The following SEMA5B variants were observed in gnomAD, a reference collection of about 807,000 sequenced individuals.
SEMA5B encodes the protein semaphorin-5B.
SEMA5B carries 66 observed loss-of-function variants against 135.0 expected under a neutral mutation model. That is an observed-to-expected ratio of 0.49 (90% CI 0.40 to 0.60). The LOEUF (loss-of-function observed/expected upper bound fraction) is 0.60. Among genes scored for constraint, SEMA5B ranks in the 20% least tolerant of loss-of-function variants. The pLI is 0.00. For synonymous variants in SEMA5B, 690 were observed against 639.5 expected (o/e 1.08, Z -1.19); for missense variants, 1,501 against 1,566.3 (o/e 0.96, Z 0.70).
chr3:122,972,600 T>C (rs1221197822), intron 1 of SEMA5B, among the ~76,000 whole-genome samples: 2 of 152,210 alleles, frequency 1.3e-5, no homozygotes, highest in East Asian at 1.9e-4. Context: ...ATCCCACAGA[T>C]GTAACTGGGC....
chr3:122,937,077 G>A (rs1403431214), intron 5 of SEMA5B, among the ~76,000 whole-genome samples: 38 of 152,260 alleles, frequency 2.5e-4, no homozygotes, highest in Admixed American at 2.5e-3. Flanking sequence ...GGGAGAATCA[G>A]TTGGCTCCAT....
chr3:122,986,239 G>A (rs1196954926), intron 1 of SEMA5B, among the ~76,000 whole-genome samples: 2 of 152,178 alleles, frequency 1.3e-5, no homozygotes, highest in African/African-American at 4.8e-5. Flanking sequence ...AAGTGGATGC[G>A]AGACTTCTGA....
At chr3:122,921,821 A>G (rs1938358403) in intron 12 of SEMA5B, 94 bp downstream of exon 12, 4 of 1,058,660 alleles carry the variant, frequency 3.8e-6, no homozygotes, top group Admixed American at 2.7e-5. Context: ...TGGAGACTGC[A>G]GGGACCGACC....
chr3:123,016,751 C>A (rs1212881053), intron 1 of SEMA5B, among the ~76,000 whole-genome samples: 1 of 151,746 alleles, frequency 6.6e-6, no homozygotes, highest in Admixed American at 6.6e-5. Context: ...ATTTAAAAAA[C>A]CCTTTTTTTG....
Position 122,922,062 on chromosome 3 carries a change from A to C in SEMA5B, c.1541T>G (p.Leu514Arg). ...GGGGGGCAGCACGTGCAGCTCCTCC[A>C]GGTAGCAGCCGTGGAGGCTGCGGCT... Reference protein sequence around the residue: ...TASRSLHGCYLEELHVLPPGR... With the variant: ...TASRSLHGCYREELHVLPPGR... The change falls in exon 12 of 23, where the codon CTG becomes CGG. Residue 514 changes from leucine to arginine, a missense_variant. By Grantham distance (102) the Leu-to-Arg change is moderately radical. This residue lies in a region of SEMA5B where 927 missense variants were observed against 881.6 expected (regional missense o/e 1.05). Coordinates refer to ENST00000357599, the MANE Select transcript of SEMA5B (RefSeq NM_001031702.4). 9.4e-6 allele frequency: 14 copies of C among 1,496,354 alleles called. No individual in the cohort carries two copies. The highest frequency in any genetic ancestry group is 1.2e-5 in the Non-Finnish European group (14 of 1,122,144). The allele number at this position is 1,496,354 out of a possible 1,614,324, so 92.7% of individuals were successfully genotyped here. A position where few individuals can be genotyped will look rare whatever the true frequency, so the allele number is the denominator to read the frequency against.
intron 12 of SEMA5B, among the ~76,000 whole-genome samples, chr3:122,919,697 A>G (rs993289214): frequency 2.0e-5 from 3 of 152,170 alleles, no homozygotes; most frequent in Admixed American, 6.5e-5. Flanking sequence ...GACTGTGTGT[A>G]CTTAATCTAG....
chr3:122,949,887 C>T (rs111827045), intron 2 of SEMA5B, among the ~76,000 whole-genome samples: 91 of 152,318 alleles, frequency 6.0e-4, no homozygotes, highest in African/African-American at 2.1e-3. Context: ...GTACTCTCCA[C>T]TCCCTAGCCC....
At chr3:122,988,148 A>T (rs1941758562) in intron 1 of SEMA5B, among the ~76,000 whole-genome samples, 2 of 152,146 alleles carry the variant, frequency 1.3e-5, no homozygotes, top group South Asian at 4.1e-4. Context: ...TCTGCATTTC[A>T]AAAAGTCCCC....
intron 22 of SEMA5B, among the ~76,000 whole-genome samples, chr3:122,910,540 T>G (rs1232200728): frequency 6.6e-6 from 1 of 152,102 alleles, no homozygotes; most frequent in Non-Finnish European, 1.5e-5. Context: ...CCGGGCGCGG[T>G]GGCTCACGCC....
chr3:122,936,988 T>C (rs1391880137), intron 5 of SEMA5B, among the ~76,000 whole-genome samples: 1 of 152,276 alleles, frequency 6.6e-6, no homozygotes. Context: ...TAGATTTTTC[T>C]TTACGTAATG....
In SEMA5B at chr3:123,008,759, G is replaced by A. The variant is rs367752049; in HGVS notation, c.-39+18705C>T. Reference sequence around the variant, plus strand: ...GGTTTCTGGAGAAGGACCAAATTGGGCCCATTTGAAGACAGGGGGAGAGAG... The same window carrying A: ...GGTTTCTGGAGAAGGACCAAATTGGACCCATTTGAAGACAGGGGGAGAGAG... On this transcript the variant is annotated intron_variant, in intron 1 of 22. Coordinates refer to ENST00000357599, the MANE Select transcript of SEMA5B (RefSeq NM_001031702.4). Among the ~76,000 whole-genome samples, 10 of 152,262 alleles carry A rather than the reference G, an allele frequency of 6.6e-5. 1 individual carries two copies. The highest frequency in any genetic ancestry group is 1.9e-4 in the East Asian group (1 of 5,174).
At position 123,027,526 on chromosome 3, in the gene SEMA5B, C is replaced by G. The variant is rs1464154860; in HGVS notation, c.-101G>C. The G allele has an allele frequency of 6.6e-6, 1 of 152,194 alleles. No homozygotes were observed. Among genetic ancestry groups the G allele is most frequent in the Non-Finnish European group, 1.5e-5 (1 of 68,064 alleles). The allele number at this position is 152,194 out of a possible 1,614,324, so 9.4% of individuals were successfully genotyped here. A position where few individuals can be genotyped will look rare whatever the true frequency, so the allele number is the denominator to read the frequency against. On this transcript the variant is annotated 5_prime_UTR_variant, in exon 1 of 23. Coordinates refer to ENST00000357599, the MANE Select transcript of SEMA5B (RefSeq NM_001031702.4). ...CTCCCGACTCCCGGGCGGCGCGGAG[C>G]GGCGGGAGCTAACCAGATGGGCTGG... is the stretch of plus-strand genomic sequence containing the variant.
At chr3:122,993,684 G>A (rs11709090) in intron 1 of SEMA5B, among the ~76,000 whole-genome samples, 27,980 of 151,770 alleles carry the variant, frequency 0.18, 3,237 homozygotes, top group African/African-American at 0.33. Flanking sequence ...GGGGATGGGC[G>A]GTGAGAGACA....
At chr3:122,919,437 G>A (rs1437060332) in intron 12 of SEMA5B, among the ~76,000 whole-genome samples, 1 of 152,178 alleles carries the variant, frequency 6.6e-6, no homozygotes, top group Non-Finnish European at 1.5e-5. Context: ...TGCCCCGTGG[G>A]GCTGAGATTC....
intron 5 of SEMA5B, among the ~76,000 whole-genome samples, chr3:122,931,931 G>C (rs1292299029): frequency 1.3e-5 from 2 of 152,176 alleles, no homozygotes; most frequent in Non-Finnish European, 2.9e-5. Flanking sequence ...CAGAACACCA[G>C]AAAAAATGAC....
intron 1 of SEMA5B, among the ~76,000 whole-genome samples, chr3:123,021,556 G>T (rs1262958047): frequency 2.6e-5 from 4 of 152,168 alleles, no homozygotes; most frequent in Admixed American, 2.0e-4. Context: ...CCTAACAGGG[G>T]GGCTCTTGGG....
rs770977877 is a variant in SEMA5B, at chr3:122,943,526, G to A, written c.338C>T (p.Pro113Leu). 1.4e-5 allele frequency: 22 copies of A among 1,607,246 alleles called. 1 individual carries two copies. Among genetic ancestry groups the A allele is most frequent in the South Asian group, 5.6e-5 (5 of 88,930 alleles). The change falls in exon 4 of 23, where the codon CCG (proline) becomes CTG (leucine). Residue 113 changes from proline to leucine, a missense_variant. Transcript: ENST00000357599. ...AGGGTAGGTGAAGTTAGAGACCCAC[G>A]GCTGCAGGTCTGGTGGAGGGAGAGG... The part of the protein sequence containing the change: ...HPTVAFEDLQ[P>L]WVSNFTYPGA...
At chr3:122,950,017 C>T (rs1019660310) in intron 2 of SEMA5B, among the ~76,000 whole-genome samples, 12 of 152,148 alleles carry the variant, frequency 7.9e-5, no homozygotes, top group Admixed American at 6.5e-4. Flanking sequence ...TGCAAAAACC[C>T]GCTGTTCTCA....
intron 2 of SEMA5B, among the ~76,000 whole-genome samples, chr3:122,953,566 C>T (rs1244680535): frequency 2.0e-5 from 3 of 152,170 alleles, no homozygotes; most frequent in Non-Finnish European, 2.9e-5. Context: ...AAGGACAGGA[C>T]ATGACGGGTG....
Sources: allele counts gnomAD v4.1 joint callset (sites outside exome capture counted in the v4.1 genomes callset), GRCh38; gene constraint gnomAD v4.1.1; regional missense constraint gnomAD v4.1.1; transcripts MANE v1.5; gene names NCBI Gene and HGNC (gene_info 2026-07-23, HGNC 2026-07-21).